The following KCNC4 variants were observed in gnomAD, a reference collection of about 807,000 sequenced individuals.
KCNC4 encodes potassium voltage-gated channel subfamily C member 4.
In KCNC4, 23 loss-of-function variants were observed where a neutral mutation model predicts 42.8. That is an observed-to-expected ratio of 0.54 (90% confidence interval 0.39 to 0.76). The LOEUF (loss-of-function observed/expected upper bound fraction) is 0.76. Among genes scored for constraint, KCNC4 ranks in the 30% least tolerant of loss-of-function variants. KCNC4 has a pLI of 0.00. For missense variants in KCNC4, 751 were observed against 898.2 expected (o/e 0.84, Z 2.10); for synonymous variants, 422 against 393.5 (o/e 1.07, Z -0.86).
chr1:110,248,413 A>G (rs1393653944), exon 4 of KCNC4: 1 of 151,578 alleles, frequency 6.6e-6, no homozygotes, highest in Non-Finnish European at 1.5e-5. Flanking sequence ...TCAAAGTGTG[A>G]AGTTACATGT....
chr1:110,224,249 A>G (rs537649116), intron 2 of KCNC4: 1 of 248,168 alleles, frequency 4.0e-6, no homozygotes, highest in South Asian at 1.1e-4. Flanking sequence ...CACCTGTAAA[A>G]TGGGAATAAT....
chr1:110,264,935 G>A (rs1659511422), intron 1 of KCNC4, among the ~76,000 whole-genome samples: 1 of 151,924 alleles, frequency 6.6e-6, no homozygotes, highest in Non-Finnish European at 1.5e-5. Flanking sequence ...TACAAAAATT[G>A]TCCAGGCATG....
chr1:110,213,224 T>G (rs1366265079), intron 1 of KCNC4, among the ~76,000 whole-genome samples: 1 of 144,140 alleles, frequency 6.9e-6, no homozygotes, highest in Non-Finnish European at 1.5e-5. Flanking sequence ...TTAGATTCTT[T>G]AAAGAAAGAA....
intron 1 of KCNC4, among the ~76,000 whole-genome samples, chr1:110,268,382 C>T (rs1327428102): frequency 1.3e-5 from 2 of 152,210 alleles, no homozygotes; most frequent in South Asian, 2.1e-4. Context: ...CCGAGGCGGG[C>T]AGATCACGAG....
At chr1:110,270,375 G>A (rs1209964869) in intron 1 of KCNC4, among the ~76,000 whole-genome samples, 7 of 152,206 alleles carry the variant, frequency 4.6e-5, no homozygotes, top group East Asian at 1.9e-4. Context: ...TAAGGACTGC[G>A]TGATTAAGAG....
At position 110,247,684 on chromosome 1, in the gene KCNC4, A is replaced by G. The variant is rs2101063572; in HGVS notation, c.*15375A>G. The G allele has an allele frequency of 2.6e-5, 4 of 150,974 alleles. No homozygotes were observed. In the South Asian group the frequency reaches 8.4e-4, roughly 32 times the overall value. The allele number at this position is 150,974 out of a possible 1,614,324, so 9.4% of individuals were successfully genotyped here. On this transcript the variant is annotated 3_prime_UTR_variant, in exon 4 of 4. Transcript: ENST00000369787. ...ATTCTTCTGCCTCAGCCTCTCAAGTAGCTGGGACTACAGGTGCGTGCCACC... is the reference window on the plus strand; with the variant it reads ...ATTCTTCTGCCTCAGCCTCTCAAGTGGCTGGGACTACAGGTGCGTGCCACC...
At chr1:110,265,353 TAAATAAAATAAAATAAAATAAAATA>T (rs58863489) in intron 1 of KCNC4, among the ~76,000 whole-genome samples, 5,588 of 121,480 alleles carry the variant, frequency 0.046, 445 homozygotes, top group African/African-American at 0.15. Context: ...AAATAAAACA[TAAATAAAATAAAATAAAATAAAATA>T]AAATAAAATA....
At chr1:110,245,964 A>G (rs1659137828) in exon 4 of KCNC4, 1 of 152,228 alleles carries the variant, frequency 6.6e-6, no homozygotes, top group Non-Finnish European at 1.5e-5. Flanking sequence ...AGTGGCCAGC[A>G]TCGTAGGGAA....
intron 3 of KCNC4, among the ~76,000 whole-genome samples, chr1:110,229,709 A>G (rs1328627952): frequency 1.3e-5 from 2 of 152,204 alleles, no homozygotes; most frequent in African/African-American, 4.8e-5. Flanking sequence ...GCAGGGGTAC[A>G]CCTTGCGCAG....
At chr1:110,248,554 TA>T (rs1659196735) in exon 4 of KCNC4, 1 of 152,212 alleles carries the variant, frequency 6.6e-6, no homozygotes, top group Admixed American at 6.5e-5. Context: ...TTGTATTTTT[TA>T]AAAAATTATT....
At chr1:110,215,857 C>T (rs1251490522) in intron 1 of KCNC4, among the ~76,000 whole-genome samples, 2 of 152,220 alleles carry the variant, frequency 1.3e-5, no homozygotes, top group African/African-American at 2.4e-5. Flanking sequence ...AAACCTAGGT[C>T]TCATCAATCT....
intron 1 of KCNC4, chr1:110,272,350 G>A (rs1026411956): frequency 6.6e-6 from 1 of 152,222 alleles, no homozygotes; most frequent in African/African-American, 2.4e-5. Context: ...GCTGTAAACA[G>A]GCTGAAGTCA....
intron 1 of KCNC4, among the ~76,000 whole-genome samples, chr1:110,267,684 A>AT (rs1387365670): frequency 3.9e-5 from 6 of 152,346 alleles, no homozygotes; most frequent in Admixed American, 3.9e-4. Flanking sequence ...CTTCCTATGT[A>AT]TCTCACCACC....
At chr1:110,262,710 A>T (rs1416423858) in intron 1 of KCNC4, among the ~76,000 whole-genome samples, 1 of 152,164 alleles carries the variant, frequency 6.6e-6, no homozygotes, top group Non-Finnish European at 1.5e-5. Flanking sequence ...CTTCTCCAGA[A>T]GCCCTTCCTC....
exon 4 of KCNC4, chr1:110,242,732 A>G (rs189454333): frequency 6.6e-6 from 1 of 152,362 alleles, no homozygotes; most frequent in Admixed American, 6.5e-5. Context: ...CAAGCCCCCT[A>G]CATGGCTTAA....
intron 1 of KCNC4, among the ~76,000 whole-genome samples, chr1:110,214,639 C>A (rs979098105): frequency 2.6e-5 from 4 of 152,214 alleles, no homozygotes; most frequent in African/African-American, 9.6e-5. Flanking sequence ...ATCACACAGC[C>A]AGATAGTGGC....
rs531326503 is a variant in KCNC4 at position 110,232,870 on chromosome 1, C to T, written c.1820-41C>T. ...CCAGAAGGCAATGTTGAGCCGAAAG[C>T]GTGCGTCCCAGTGTCTCACACCTGT... On this transcript the variant is annotated intron_variant, in intron 3 of 3. Transcript: ENST00000438661. 88 of 1,588,434 alleles carry T rather than the reference C, an allele frequency of 5.5e-5. 1 individual carries two copies. The highest frequency in any genetic ancestry group is 3.3e-4 in the Middle Eastern group (2 of 6,024).
In KCNC4 at chr1:110,211,869, C is replaced by T. The variant is rs1657480304; in HGVS notation, c.370C>T (p.Pro124Ser). The change falls in exon 1 of 4, where the codon CCG (proline) becomes TCG (serine). Residue 124 changes from proline (P) to serine (S), a missense_variant. Physicochemically the swap from Pro to Ser is moderately conservative, Grantham distance 74. Transcript: ENST00000438661. The surrounding 1 kb of genome is among the most constrained non-coding windows in gnomAD (Gnocchi z 6.5). ...KLHCPADVCG[P>S]LFEEELTFWG... ...GCACTGCCCCGCGGACGTGTGCGGG[C>T]CGCTCTTCGAAGAGGAGCTCACCTT... 1 of 1,611,628 alleles carries T rather than the reference C, an allele frequency of 6.2e-7. No homozygotes were observed. Among genetic ancestry groups the T allele is most frequent in the Admixed American group, 1.7e-5 (1 of 60,008 alleles).
chr1:110,272,966 C>T (rs775900297), intron 1 of KCNC4, among the ~76,000 whole-genome samples: 1 of 152,184 alleles, frequency 6.6e-6, no homozygotes, highest in African/African-American at 2.4e-5. Flanking sequence ...CCCAAGTCTC[C>T]AAGGGATAGT....
Sources: gnomAD v4.1 joint callset for allele counts (sites outside exome capture counted in the v4.1 genomes callset) on GRCh38, gnomAD v4.1.1 for gene constraint, Gnocchi (gnomAD v3.1) non-coding constraint, MANE v1.5 for transcripts, NCBI Gene and HGNC (gene_info 2026-07-23, HGNC 2026-07-21) for gene names.